NRG1: variants seen among roughly 807,000 people sequenced by gnomAD.
NRG1 encodes the protein neuregulin 1, also known as pro-neuregulin-1, membrane-bound isoform.
Under a neutral mutation model 63.8 loss-of-function variants are expected in NRG1, and 18 were observed. That is an observed-to-expected ratio of 0.28 (90% CI 0.19 to 0.42). The LOEUF is 0.42. Among genes scored for constraint, NRG1 ranks in the 10% least tolerant of loss-of-function variants. NRG1 has a pLI of 1.00. For missense variants in NRG1, 762 were observed against 814.7 expected, an observed-to-expected ratio of 0.94 and a Z score of 0.79; for synonymous variants, 302 against 301.3, an observed-to-expected ratio of 1.00 and a Z score of -0.02.
chr8:32,231,138 G>C (rs1846890294), intron 1 of NRG1, among the ~76,000 whole-genome samples: 1 of 151,910 alleles, frequency 6.6e-6, no homozygotes, highest in Admixed American at 6.6e-5. Flanking sequence ...GGAAAGGAAA[G>C]GAAAGGAATA....
intron 1 of NRG1, among the ~76,000 whole-genome samples, chr8:31,648,318 G>T (rs1354699582): frequency 6.6e-6 from 1 of 151,614 alleles, no homozygotes; most frequent in Non-Finnish European, 1.5e-5. Flanking sequence ...ATTTTTAGTA[G>T]AGACGGGGTT....
intron 5 of NRG1, among the ~76,000 whole-genome samples, chr8:32,699,171 G>A (rs974617536): frequency 5.9e-5 from 9 of 152,192 alleles, no homozygotes; most frequent in South Asian, 2.1e-4. Flanking sequence ...AAAAGAGAGT[G>A]TGTTTGTTCC....
chr8:32,601,875 G>GTT (rs150984125), intron 2 of NRG1, among the ~76,000 whole-genome samples: 1 of 151,500 alleles, frequency 6.6e-6, no homozygotes. Flanking sequence ...AGTACATAAG[G>GTT]TTTTTTTTGT....
intron 11 of NRG1, chr8:32,760,856 C>T: frequency 1.0e-6 from 1 of 1,002,040 alleles, no homozygotes; most frequent in African/African-American, 1.7e-5. Flanking sequence ...TCTTACCTTC[C>T]AGCCTCAGTT....
At chr8:31,754,832 A>G (rs1345402120) in intron 1 of NRG1, among the ~76,000 whole-genome samples, 1 of 151,926 alleles carries the variant, frequency 6.6e-6, no homozygotes, top group Admixed American at 6.6e-5. Context: ...AAAAGTGCAA[A>G]ATTTTATTGC....
At chr8:32,179,807 T>C (rs1334160377) in intron 1 of NRG1, among the ~76,000 whole-genome samples, 2 of 152,206 alleles carry the variant, frequency 1.3e-5, no homozygotes, top group South Asian at 2.1e-4. Context: ...TTTCCTCTAG[T>C]AGAAGTCCTT....
chr8:32,252,470 G>GT (rs987614085), intron 1 of NRG1, among the ~76,000 whole-genome samples: 1 of 152,110 alleles, frequency 6.6e-6, no homozygotes, highest in Non-Finnish European at 1.5e-5. Context: ...CCCATTGTTT[G>GT]TTTTTGTCAG....
intron 5 of NRG1, among the ~76,000 whole-genome samples, chr8:32,677,771 A>G (rs1807535283): frequency 6.6e-6 from 1 of 152,236 alleles, no homozygotes; most frequent in Admixed American, 6.5e-5. Context: ...CTAGCAGGCC[A>G]TTCAGACCAC....
intron 1 of NRG1, among the ~76,000 whole-genome samples, chr8:32,090,136 A>G (rs907474988): frequency 2.0e-4 from 30 of 152,284 alleles, no homozygotes; most frequent in African/African-American, 7.2e-4. Context: ...AAGTCATTTC[A>G]TTTCTTTAAA....
chr8:32,652,659 C>T (rs1411071511), intron 5 of NRG1, among the ~76,000 whole-genome samples: 1 of 152,048 alleles, frequency 6.6e-6, no homozygotes, highest in Non-Finnish European at 1.5e-5. Flanking sequence ...ATATTACAAA[C>T]ATACAAAAAA....
chr8:32,715,791 G>A (rs774980710), intron 5 of NRG1, among the ~76,000 whole-genome samples: 2 of 152,040 alleles, frequency 1.3e-5, no homozygotes, highest in African/African-American at 2.4e-5. Flanking sequence ...CCTGAGGCGT[G>A]TGCCACCACA....
At chr8:32,301,781 A>G (rs1348034601) in intron 1 of NRG1, among the ~76,000 whole-genome samples, 1 of 152,206 alleles carries the variant, frequency 6.6e-6, no homozygotes, top group Non-Finnish European at 1.5e-5. Flanking sequence ...ACCGGCCTGC[A>G]TAATTCCATC....
intron 1 of NRG1, among the ~76,000 whole-genome samples, chr8:31,916,315 C>T (rs572000095): frequency 1.6e-4 from 25 of 152,220 alleles, no homozygotes; most frequent in Middle Eastern, 3.4e-3. Flanking sequence ...CACCCACTAA[C>T]TCGTCATCTA....
chr8:32,607,292 C>G (rs1363918705), intron 3 of NRG1, among the ~76,000 whole-genome samples: 1 of 152,110 alleles, frequency 6.6e-6, no homozygotes, highest in Non-Finnish European at 1.5e-5. Flanking sequence ...CTGTTTTTTA[C>G]TTTCTACTAT....
chr8:31,693,112 C>T (rs1271813463), intron 1 of NRG1, among the ~76,000 whole-genome samples: 1 of 152,132 alleles, frequency 6.6e-6, no homozygotes, highest in East Asian at 1.9e-4. Flanking sequence ...CGCTGCATGC[C>T]ACACCTCCCT....
intron 1 of NRG1, among the ~76,000 whole-genome samples, chr8:32,319,995 T>C (rs1033462759): frequency 6.6e-6 from 1 of 152,122 alleles, no homozygotes; most frequent in South Asian, 2.1e-4. Context: ...ATAGGATATG[T>C]GAAAGAACCT....
chr8:32,733,636 T>C (rs1824297757), intron 6 of NRG1, among the ~76,000 whole-genome samples: 1 of 152,170 alleles, frequency 6.6e-6, no homozygotes, highest in African/African-American at 2.4e-5. Flanking sequence ...CATTTGTTTA[T>C]AGAACAGCTA....
At chr8:32,407,120 T>G (rs1364484667) in intron 1 of NRG1, among the ~76,000 whole-genome samples, 1 of 151,720 alleles carries the variant, frequency 6.6e-6, no homozygotes, top group Non-Finnish European at 1.5e-5. Context: ...TCCTATTTCA[T>G]AGAAATGCTT....
At chr8:32,329,206 A>G (rs1487157) in intron 1 of NRG1, among the ~76,000 whole-genome samples, 46,167 of 151,964 alleles carry the variant, frequency 0.3, 7,168 homozygotes, top group South Asian at 0.36. Context: ...TGGGCTCAAG[A>G]GATCCTCCCA....
Sources: allele counts gnomAD v4.1 joint callset (sites outside exome capture counted in the v4.1 genomes callset), GRCh38; gene constraint gnomAD v4.1.1; transcripts MANE v1.5; gene names NCBI Gene and HGNC (gene_info 2026-07-23, HGNC 2026-07-21).